Variants in OSBPL1A observed in about 807,000 individuals in gnomAD.
OSBPL1A encodes oxysterol-binding protein-related protein 1.
In OSBPL1A, 80 loss-of-function variants were observed where a neutral mutation model predicts 137.1. The ratio of observed to expected loss-of-function variants is 0.58; its 90% CI spans 0.49 to 0.70. The LOEUF is 0.70. OSBPL1A is among the 30% of genes least tolerant of loss of function. The pLI is 0.00. For missense variants in OSBPL1A, 970 were observed against 1,129.4 expected, an observed-to-expected ratio of 0.86 and a Z score of 2.02; for synonymous variants, 365 against 389.7, an observed-to-expected ratio of 0.94 and a Z score of 0.75.
At chr18:24,212,200 T>C (rs2087564639) in intron 17 of OSBPL1A, among the ~76,000 whole-genome samples, 2 of 151,810 alleles carry the variant, frequency 1.3e-5, no homozygotes, top group South Asian at 4.1e-4. Context: ...CCTGAGTAGC[T>C]AGGACTAAAG....
chr18:24,377,680 G>T, intron 1 of OSBPL1A, 145 bp from the exon 2 acceptor site: 1 of 829,826 alleles, frequency 1.2e-6, no homozygotes, highest in Non-Finnish European at 1.8e-6. Flanking sequence ...GTTGCAGGGT[G>T]AGAACTTGAG....
intron 15 of OSBPL1A, among the ~76,000 whole-genome samples, chr18:24,250,178 GTTTGTTTGTT>G (rs1056812227): frequency 5.0e-5 from 4 of 79,570 alleles, no homozygotes; most frequent in African/African-American, 1.8e-4. Flanking sequence ...TTGTTTGTTT[GTTTGTTTGTT>G]TTTTTTGACA....
At chr18:24,328,468 T>C (rs1387202619) in intron 7 of OSBPL1A, among the ~76,000 whole-genome samples, 2 of 152,132 alleles carry the variant, frequency 1.3e-5, no homozygotes, top group African/African-American at 2.4e-5. Flanking sequence ...CTTACATGGG[T>C]TGATTTCTGA....
intron 22 of OSBPL1A, 138 bp downstream of exon 22, chr18:24,172,238 T>C (rs888993402): frequency 1.5e-6 from 1 of 662,928 alleles, no homozygotes; most frequent in East Asian, 2.9e-5. Context: ...CGCGCCCAGA[T>C]ATATTGCATG....
chr18:24,277,593 G>C (rs2089871667), intron 15 of OSBPL1A, among the ~76,000 whole-genome samples: 1 of 152,184 alleles, frequency 6.6e-6, no homozygotes, highest in South Asian at 2.1e-4. Flanking sequence ...AGGAATTAGA[G>C]CCAGGTCTGT....
chr18:24,281,049 A>C, intron 14 of OSBPL1A, 101 bp from the exon 15 acceptor site: 1 of 657,902 alleles, frequency 1.5e-6, no homozygotes, highest in Non-Finnish European at 2.4e-6. Context: ...TCATCTTTCC[A>C]TCTAGCTATC....
intron 4 of OSBPL1A, among the ~76,000 whole-genome samples, chr18:24,362,479 C>T (rs1009637667): frequency 3.9e-5 from 6 of 152,148 alleles, no homozygotes; most frequent in Admixed American, 6.5e-5. Context: ...TTAGCACATA[C>T]AGAATTGACT....
In OSBPL1A at chr18:24,324,594, A is replaced by G. The variant is rs1187657363; in HGVS notation, c.626-5785T>C. Among the ~76,000 whole-genome samples, 10 of 32,544 alleles carry G rather than the reference A, an allele frequency of 3.1e-4. 1 individual carries two copies. The highest frequency in any genetic ancestry group is 1.3e-3 in the Admixed American group (7 of 5,388). The allele number at this position is 32,544 out of a possible 152,430, so 21.4% of individuals were successfully genotyped here. On this transcript the variant is annotated intron_variant, in intron 7 of 27. Coordinates refer to ENST00000319481, the MANE Select transcript of OSBPL1A (RefSeq NM_080597.4). The stretch of plus-strand genomic sequence containing the variant: ...TTCCAGACTCCCAATAAAAACATGA[A>G]TATGAATATAAAAAAAAAAAAAAAA...
intron 18 of OSBPL1A, among the ~76,000 whole-genome samples, chr18:24,192,981 C>T (rs548720893): frequency 2.6e-5 from 4 of 152,266 alleles, no homozygotes; most frequent in South Asian, 4.1e-4. Context: ...TGTCCTGGCA[C>T]GCTCCTCACA....
chr18:24,213,438 G>A (rs1360812678), intron 17 of OSBPL1A, among the ~76,000 whole-genome samples: 2 of 151,936 alleles, frequency 1.3e-5, no homozygotes, highest in African/African-American at 4.8e-5. Flanking sequence ...GTGTGGTGGC[G>A]CAGGCCTGTA....
At chr18:24,211,663 TA>T (rs55928349) in intron 17 of OSBPL1A, among the ~76,000 whole-genome samples, 2,066 of 143,664 alleles carry the variant, frequency 0.014, 10 homozygotes, top group Non-Finnish European at 0.018. Flanking sequence ...ACAAGGCAGT[TA>T]AAAAAAAAAA....
At chr18:24,263,297 G>A (rs1017311724) in intron 15 of OSBPL1A, among the ~76,000 whole-genome samples, 8 of 152,178 alleles carry the variant, frequency 5.3e-5, no homozygotes, top group Admixed American at 2.6e-4. Context: ...TACACCAGGT[G>A]CTGTGCTAAG....
chr18:24,284,122 T>A (rs2090021365), intron 14 of OSBPL1A, among the ~76,000 whole-genome samples: 1 of 152,120 alleles, frequency 6.6e-6, no homozygotes, highest in Admixed American at 6.5e-5. Flanking sequence ...GTTTAAGAAT[T>A]GCCGAACCTT....
intron 17 of OSBPL1A, among the ~76,000 whole-genome samples, chr18:24,215,332 A>G (rs1039331876): frequency 6.6e-6 from 1 of 152,260 alleles, no homozygotes; most frequent in African/African-American, 2.4e-5. Flanking sequence ...TGCTGTATCA[A>G]CATGATACAA....
At chr18:24,178,366 A>ACTGCAACCCCTGCCTCC (rs1369887932) in intron 20 of OSBPL1A, among the ~76,000 whole-genome samples, 171 bp from the exon 21 acceptor site, 5 of 152,134 alleles carry the variant, frequency 3.3e-5, no homozygotes, top group African/African-American at 1.2e-4. Flanking sequence ...ATCTTGGCTC[A>ACTGCAACCCCTGCCTCC]CTGCAACCCC....
intron 14 of OSBPL1A, among the ~76,000 whole-genome samples, chr18:24,285,866 G>C (rs764653834): frequency 1.3e-5 from 2 of 152,134 alleles, no homozygotes; most frequent in African/African-American, 2.4e-5. Flanking sequence ...TTTTAAAATG[G>C]ACTTTCAAGG....
chr18:24,177,978 C>T (rs1311920596), intron 21 of OSBPL1A, 35 bp downstream of exon 21: 12 of 1,585,088 alleles, frequency 7.6e-6, no homozygotes, highest in Non-Finnish European at 1.0e-5. Context: ...GGCAGGTCTA[C>T]ATGAAAAGAG....
intron 15 of OSBPL1A, among the ~76,000 whole-genome samples, chr18:24,269,731 T>C (rs1292148962): frequency 6.6e-6 from 1 of 152,120 alleles, no homozygotes; most frequent in African/African-American, 2.4e-5. Flanking sequence ...GCATTCTATA[T>C]TGGGAATATG....
chr18:24,379,493 C>A (rs1451682679), intron 1 of OSBPL1A, among the ~76,000 whole-genome samples: 3 of 148,948 alleles, frequency 2.0e-5, no homozygotes, highest in African/African-American at 7.5e-5. Context: ...GCACTCCAGC[C>A]TGGGTGACAG....
Sources: gnomAD v4.1 joint callset for allele counts (sites outside exome capture counted in the v4.1 genomes callset) on GRCh38, gnomAD v4.1.1 for gene constraint, MANE v1.5 for transcripts, NCBI Gene and HGNC (gene_info 2026-07-23, HGNC 2026-07-21) for gene names.